SGCZ: variants seen among roughly 807,000 people sequenced by gnomAD.
SGCZ encodes the protein zeta-sarcoglycan.
Under a neutral mutation model 41.3 loss-of-function variants are expected in SGCZ, and 40 were observed. The observed-to-expected ratio is 0.97, with a 90% CI of 0.75 to 1.26. The LOEUF (loss-of-function observed/expected upper bound fraction) is 1.26. SGCZ is among the 50% of genes most tolerant of loss of function. The pLI is 0.00. For missense variants in SGCZ, 552 were observed against 369.8 expected (o/e 1.49, Z -4.04); for synonymous variants, 206 against 137.5 (o/e 1.50, Z -3.49).
chr8:14,574,393 A>T (rs1457185827), intron 1 of SGCZ, among the ~76,000 whole-genome samples: 1 of 152,092 alleles, frequency 6.6e-6, no homozygotes, highest in Non-Finnish European at 1.5e-5. Context: ...GCCATAAAGC[A>T]TAAAGGTATT....
chr8:14,166,624 A>T (rs1029645407), intron 4 of SGCZ, among the ~76,000 whole-genome samples: 1 of 152,172 alleles, frequency 6.6e-6, no homozygotes, highest in Non-Finnish European at 1.5e-5. Context: ...CTCAAAATAT[A>T]TCGCTGACTT....
intron 1 of SGCZ, among the ~76,000 whole-genome samples, chr8:15,139,230 C>T (rs1050658189): frequency 1.5e-4 from 23 of 152,154 alleles, no homozygotes; most frequent in African/African-American, 5.6e-4. Flanking sequence ...TAGTTCATAT[C>T]CTCAGTGCTT....
At chr8:14,394,544 C>T (rs1804911358) in intron 2 of SGCZ, among the ~76,000 whole-genome samples, 1 of 152,080 alleles carries the variant, frequency 6.6e-6, no homozygotes, top group African/African-American at 2.4e-5. Context: ...AAGTTTGATT[C>T]CTGAGATCAT....
intron 1 of SGCZ, among the ~76,000 whole-genome samples, chr8:14,809,573 T>G (rs1801676639): frequency 6.6e-6 from 1 of 152,190 alleles, no homozygotes; most frequent in South Asian, 2.1e-4. Context: ...ATGGTTGCTA[T>G]CAAATTATAA....
intron 1 of SGCZ, among the ~76,000 whole-genome samples, chr8:14,958,500 C>T (rs890281332): frequency 1.3e-4 from 20 of 151,634 alleles, no homozygotes; most frequent in African/African-American, 4.8e-4. Flanking sequence ...CTGAATGATG[C>T]CATTTAGAAC....
intron 1 of SGCZ, among the ~76,000 whole-genome samples, chr8:14,648,704 G>C (rs1807303104): frequency 2.0e-5 from 3 of 152,034 alleles, no homozygotes; most frequent in Admixed American, 6.6e-5. Flanking sequence ...AGGTGTGCAA[G>C]AGACTCATAT....
intron 4 of SGCZ, among the ~76,000 whole-genome samples, chr8:14,199,403 C>T (rs1306539181): frequency 3.9e-5 from 6 of 152,094 alleles, no homozygotes; most frequent in South Asian, 2.1e-4. Flanking sequence ...AATGCATGCC[C>T]GAAACTTCAT....
chr8:14,180,474 T>G (rs1804686116), intron 4 of SGCZ, among the ~76,000 whole-genome samples: 1 of 151,960 alleles, frequency 6.6e-6, no homozygotes, highest in Non-Finnish European at 1.5e-5. Flanking sequence ...AGAAAGAACG[T>G]ATCCAACACT....
chr8:15,086,476 C>T (rs1364129516), intron 1 of SGCZ, among the ~76,000 whole-genome samples: 1 of 152,074 alleles, frequency 6.6e-6, no homozygotes, highest in African/African-American at 2.4e-5. Context: ...TGTATCTGAA[C>T]ATATGTCTTG....
intron 1 of SGCZ, among the ~76,000 whole-genome samples, chr8:14,641,150 C>G (rs1191433592): frequency 6.6e-6 from 1 of 151,588 alleles, no homozygotes; most frequent in African/African-American, 2.4e-5. Flanking sequence ...AGACTCTTTC[C>G]CCAAATCATA....
intron 1 of SGCZ, among the ~76,000 whole-genome samples, chr8:14,681,453 G>C (rs1585178452): frequency 6.6e-6 from 1 of 152,140 alleles, no homozygotes; most frequent in African/African-American, 2.4e-5. Flanking sequence ...TCATGTATAG[G>C]TTAATTTCAC....
chr8:14,540,499 T>C (rs889837086), intron 2 of SGCZ, among the ~76,000 whole-genome samples: 1 of 151,842 alleles, frequency 6.6e-6, no homozygotes, highest in Non-Finnish European at 1.5e-5. Flanking sequence ...TTACAATTTT[T>C]ATCAAACCCT....
chr8:14,730,331 A>G (rs1320771275), intron 1 of SGCZ, among the ~76,000 whole-genome samples: 1 of 152,220 alleles, frequency 6.6e-6, no homozygotes, highest in Admixed American at 6.5e-5. Flanking sequence ...TATTATCACC[A>G]TACATACATT....
intron 3 of SGCZ, among the ~76,000 whole-genome samples, chr8:14,256,415 C>T (rs926257337): frequency 2.6e-5 from 4 of 152,120 alleles, no homozygotes; most frequent in African/African-American, 9.7e-5. Context: ...TGTTAGCACT[C>T]TGATCTATCA....
At chr8:14,462,656 GCTTC>G (rs1800934747) in intron 2 of SGCZ, among the ~76,000 whole-genome samples, 1 of 151,902 alleles carries the variant, frequency 6.6e-6, no homozygotes, top group South Asian at 2.1e-4. Context: ...AAGTATGAAC[GCTTC>G]CACTTTGTTC....
rs1802018386 is a variant in SGCZ, at chr8:14,324,200, C to G, written c.239G>C (p.Gly80Ala). Residue 80 changes from glycine (G) to alanine (A), a missense_variant, in exon 3 of 8, where the codon GGT (glycine) becomes GCT (alanine). Gly to Ala is a moderately conservative substitution (Grantham distance 60). Transcript: ENST00000382080. The stretch of plus-strand genomic sequence containing the variant: ...CTTGGTGACTCTCAGATTTCCCATA[C>G]CATCCTACAAGCAATGAAATATAGT... ...ILKVMNFTVD[G>A]MGNLRVTKKG... 1 of 1,608,684 alleles carries G rather than the reference C, an allele frequency of 6.2e-7. No homozygotes were observed. Among genetic ancestry groups the G allele is most frequent in the Admixed American group, 1.7e-5 (1 of 59,878 alleles).
At chr8:15,044,320 G>A (rs1804222622) in intron 1 of SGCZ, among the ~76,000 whole-genome samples, 1 of 151,994 alleles carries the variant, frequency 6.6e-6, no homozygotes, top group Non-Finnish European at 1.5e-5. Flanking sequence ...CTTTATCAAG[G>A]CCATTAGAAA....
chr8:14,497,568 G>A (rs1223611204), intron 2 of SGCZ, among the ~76,000 whole-genome samples: 1 of 152,040 alleles, frequency 6.6e-6, no homozygotes. Flanking sequence ...GTATGTGTGT[G>A]TGTGTGTGTC....
intron 1 of SGCZ, among the ~76,000 whole-genome samples, chr8:14,821,902 C>T (rs932529683): frequency 2.0e-5 from 3 of 152,086 alleles, no homozygotes; most frequent in Non-Finnish European, 4.4e-5. Flanking sequence ...AAATTAGGAA[C>T]TAGACAAGGT....
Sources: gnomAD v4.1 joint callset for allele counts (sites outside exome capture counted in the v4.1 genomes callset) on GRCh38, gnomAD v4.1.1 for gene constraint, MANE v1.5 for transcripts, NCBI Gene and HGNC (gene_info 2026-07-23, HGNC 2026-07-21) for gene names.